Variants in ANO4 observed in about 807,000 individuals in gnomAD.
ANO4 encodes the protein anoctamin-4.
Under a neutral mutation model 141.9 loss-of-function variants are expected in ANO4, and 69 were observed. That is an observed-to-expected ratio of 0.49 (90% confidence interval 0.40 to 0.59). ANO4 has a LOEUF of 0.59. ANO4 is among the 20% of genes least tolerant of loss of function. ANO4 has a pLI of 0.00. For synonymous variants in ANO4, 350 were observed against 394.3 expected, an observed-to-expected ratio of 0.89 and a Z score of 1.33; for missense variants, 894 against 1,162.2, an observed-to-expected ratio of 0.77 and a Z score of 3.36.
At chr12:100,769,446 G>A (rs2033210866) in intron 3 of ANO4, among the ~76,000 whole-genome samples, 1 of 152,202 alleles carries the variant, frequency 6.6e-6, no homozygotes, top group African/African-American at 2.4e-5. Flanking sequence ...AGGATACCCT[G>A]GGGTTTCAGT....
intron 5 of ANO4, among the ~76,000 whole-genome samples, chr12:100,967,249 A>G (rs1329845892): frequency 6.6e-6 from 1 of 152,126 alleles, no homozygotes; most frequent in Non-Finnish European, 1.5e-5. Flanking sequence ...TATATTAATG[A>G]AACAACTCTA....
chr12:100,930,869 G>C (rs1307123485), intron 3 of ANO4, among the ~76,000 whole-genome samples: 1 of 152,080 alleles, frequency 6.6e-6, no homozygotes, highest in Non-Finnish European at 1.5e-5. Flanking sequence ...GGTATAGGTA[G>C]GGGTAGAAGG....
chr12:101,014,473 C>T (rs2046233444), intron 8 of ANO4, among the ~76,000 whole-genome samples: 1 of 152,184 alleles, frequency 6.6e-6, no homozygotes, highest in African/African-American at 2.4e-5. Flanking sequence ...ACTTCATGAG[C>T]AGGCCAGCAA....
At chr12:101,037,229 G>C in intron 10 of ANO4, 79 bp downstream of exon 10, 1 of 1,431,404 alleles carries the variant, frequency 7.0e-7, no homozygotes, top group Non-Finnish European at 9.8e-7. Context: ...GTCAATAATT[G>C]AATTTGTTGA....
chr12:100,731,897 A>G (rs890173231), intron 1 of ANO4, among the ~76,000 whole-genome samples: 5 of 152,140 alleles, frequency 3.3e-5, no homozygotes, highest in South Asian at 4.1e-4. Context: ...CCATTCCTCT[A>G]TGGAAGGTCA....
intron 15 of ANO4, among the ~76,000 whole-genome samples, chr12:101,080,189 G>T (rs2049189431): frequency 6.6e-6 from 1 of 152,190 alleles, no homozygotes. Flanking sequence ...GTATAAAAAA[G>T]AATCTTTCAG....
At chr12:100,769,053 G>C (rs530404231) in intron 3 of ANO4, among the ~76,000 whole-genome samples, 1 of 151,926 alleles carries the variant, frequency 6.6e-6, no homozygotes, top group African/African-American at 2.4e-5. Flanking sequence ...TTGAAACCAG[G>C]AAACAACCAA....
chr12:101,062,610 C>T (rs754317043), intron 14 of ANO4, among the ~76,000 whole-genome samples: 8 of 152,210 alleles, frequency 5.3e-5, no homozygotes, highest in Non-Finnish European at 1.0e-4. Flanking sequence ...GAGAGGCAGT[C>T]TGGCTATAGT....
At chr12:100,965,445 A>T (rs932729439) in intron 5 of ANO4, among the ~76,000 whole-genome samples, 1 of 152,104 alleles carries the variant, frequency 6.6e-6, no homozygotes, top group African/African-American at 2.4e-5. Flanking sequence ...TCTCTGCAAA[A>T]CATGCAGCAC....
rs369911218 is a variant in ANO4, at chr12:100,757,012, G to A, written c.358+16907G>A. ...CTCTGACTCAGATTAGCCAAAAATC[G>A]TCCTGTTGCCTCAGTTTTTTTTTAT... On this transcript the variant is annotated intron_variant, in intron 3 of 29. Coordinates refer to the ANO4 transcript ENST00000644049. 3.7e-4 allele frequency among the ~76,000 whole-genome samples: 56 copies of A among 152,186 alleles called. 2 individuals are homozygous for A. The South Asian group carries it at 1.0e-2, about 27-fold the overall frequency.
At chr12:100,907,100 CTT>C (rs1313383341) in intron 2 of ANO4, among the ~76,000 whole-genome samples, 1 of 152,206 alleles carries the variant, frequency 6.6e-6, no homozygotes, top group Admixed American at 6.5e-5. Context: ...CCTTCCTCTT[CTT>C]AAAATTGTTA....
intron 8 of ANO4, among the ~76,000 whole-genome samples, chr12:101,011,893 C>G (rs567239425): frequency 6.6e-6 from 1 of 152,068 alleles, no homozygotes; most frequent in Non-Finnish European, 1.5e-5. Flanking sequence ...AAAGTTACCC[C>G]TTCCTCCTGA....
chr12:100,766,724 T>G (rs1423031361), intron 3 of ANO4, among the ~76,000 whole-genome samples: 1 of 152,136 alleles, frequency 6.6e-6, no homozygotes, highest in African/African-American at 2.4e-5. Flanking sequence ...TGGATGGAAG[T>G]CTGTTTGATC....
At chr12:100,724,395 C>CT (rs2031011216) in intron 1 of ANO4, among the ~76,000 whole-genome samples, 1 of 152,160 alleles carries the variant, frequency 6.6e-6, no homozygotes, top group South Asian at 2.1e-4. Flanking sequence ...TAAAAGATGG[C>CT]TTTGCCCTCT....
chr12:100,971,958 T>C (rs1344134736), intron 6 of ANO4, among the ~76,000 whole-genome samples: 1 of 152,256 alleles, frequency 6.6e-6, no homozygotes, highest in Non-Finnish European at 1.5e-5. Context: ...GAAAATACTT[T>C]GTATTCCTTA....
chr12:100,729,263 A>C (rs2031272264), intron 1 of ANO4, among the ~76,000 whole-genome samples: 1 of 149,722 alleles, frequency 6.7e-6, no homozygotes, highest in Admixed American at 6.7e-5. Context: ...TGTTTCTTAT[A>C]AGTATGAAAT....
intron 7 of ANO4, among the ~76,000 whole-genome samples, chr12:100,976,415 A>G (rs2044196301): frequency 6.6e-6 from 1 of 152,246 alleles, no homozygotes; most frequent in Non-Finnish European, 1.5e-5. Context: ...TTCATTAAGC[A>G]GTTGACATGA....
intron 14 of ANO4, among the ~76,000 whole-genome samples, chr12:101,054,501 CT>C (rs1245504770): frequency 6.6e-6 from 1 of 152,068 alleles, no homozygotes; most frequent in Non-Finnish European, 1.5e-5. Context: ...TATAAGAGAA[CT>C]TTTTTTCTTT....
At chr12:100,778,136 G>T (rs565941033) in intron 3 of ANO4, among the ~76,000 whole-genome samples, 1 of 152,046 alleles carries the variant, frequency 6.6e-6, no homozygotes, top group Non-Finnish European at 1.5e-5. Flanking sequence ...AGCCAGGATG[G>T]TCTCGATCTC....
Sources: allele counts gnomAD v4.1 joint callset (sites outside exome capture counted in the v4.1 genomes callset), GRCh38; gene constraint gnomAD v4.1.1; transcripts MANE v1.5; gene names NCBI Gene and HGNC (gene_info 2026-07-23, HGNC 2026-07-21).